Variants in KCNQ5 observed in about 807,000 individuals in gnomAD.
KCNQ5 encodes potassium voltage-gated channel subfamily KQT member 5.
In KCNQ5, 30 loss-of-function variants were observed where a neutral mutation model predicts 98.2. The observed-to-expected ratio is 0.31, with a 90% CI of 0.23 to 0.41. KCNQ5 has a LOEUF of 0.41. Ranked by LOEUF, KCNQ5 falls within the 10% of genes least tolerant of loss-of-function variation. The pLI, the probability that KCNQ5 is intolerant of heterozygous loss-of-function variation, is 1.00. For synonymous variants in KCNQ5, 458 were observed against 449.4 expected, an observed-to-expected ratio of 1.02 and a Z score of -0.24; for missense variants, 835 against 1,182.5, an observed-to-expected ratio of 0.71 and a Z score of 4.31.
At chr6:73,154,717 A>G (rs777731577) in intron 10 of KCNQ5, among the ~76,000 whole-genome samples, 1 of 152,228 alleles carries the variant, frequency 6.6e-6, no homozygotes, top group Non-Finnish European at 1.5e-5. Flanking sequence ...AAGTTCTACT[A>G]TAAAAGTTAC....
chr6:73,174,082 CTT>C (rs202158532), intron 11 of KCNQ5, among the ~76,000 whole-genome samples: 7 of 137,310 alleles, frequency 5.1e-5, no homozygotes, highest in East Asian at 4.2e-4. Flanking sequence ...CAAGGCTACT[CTT>C]TTTTTTTTTT....
At chr6:73,162,224 G>C (rs1022737493) in intron 10 of KCNQ5, among the ~76,000 whole-genome samples, 2 of 152,104 alleles carry the variant, frequency 1.3e-5, no homozygotes, top group African/African-American at 4.8e-5. Flanking sequence ...GCCGCACCCA[G>C]CCAGCTTAGC....
intron 1 of KCNQ5, among the ~76,000 whole-genome samples, chr6:72,845,189 A>T (rs1776966959): frequency 6.6e-6 from 1 of 152,218 alleles, no homozygotes; most frequent in South Asian, 2.1e-4. Flanking sequence ...TTTGCAGAGT[A>T]TGTATACAGT....
chr6:72,755,295 A>C (rs978489540), intron 1 of KCNQ5, among the ~76,000 whole-genome samples: 2 of 151,978 alleles, frequency 1.3e-5, no homozygotes, highest in African/African-American at 4.8e-5. Context: ...CTTTAATTTA[A>C]TTTGACAATT....
rs1776319644 is a variant in KCNQ5 at position 73,133,414 on chromosome 6, T to C, written c.1248-7T>C. 1 of 1,613,406 alleles carries C rather than the reference T, an allele frequency of 6.2e-7. No homozygotes were observed. The highest frequency in any genetic ancestry group is 8.5e-7 in the Non-Finnish European group (1 of 1,179,514). ...AAATGGAATAATCATGCCTCTGTTCTCCACAGTCAGAAGCTAAGTTTTAAG... is the reference window on the plus strand; with the variant it reads ...AAATGGAATAATCATGCCTCTGTTCCCCACAGTCAGAAGCTAAGTTTTAAG... On this transcript the variant is annotated splice_polypyrimidine_tract_variant and splice_region_variant and intron_variant, in intron 9 of 13. Coordinates refer to ENST00000370398, the MANE Select transcript of KCNQ5 (RefSeq NM_019842.4).
At chr6:72,871,025 T>TAC (rs1251084760) in intron 1 of KCNQ5, among the ~76,000 whole-genome samples, 2 of 152,166 alleles carry the variant, frequency 1.3e-5, no homozygotes, top group Non-Finnish European at 2.9e-5. Context: ...ACCCTGAGAA[T>TAC]ACACACACAT....
At chr6:72,632,876 A>G (rs956010783) in intron 1 of KCNQ5, among the ~76,000 whole-genome samples, 4 of 152,102 alleles carry the variant, frequency 2.6e-5, no homozygotes, top group African/African-American at 9.7e-5. Flanking sequence ...TATTGTGAGT[A>G]GCATGGCAAT....
At chr6:73,055,211 A>G in intron 3 of KCNQ5, 1 of 1,102,886 alleles carries the variant, frequency 9.1e-7, no homozygotes, top group Non-Finnish European at 1.4e-6. Context: ...TGAGGCGGCA[A>G]AGCAGGCACG....
At chr6:73,179,903 A>T (rs1405695044) in intron 11 of KCNQ5, among the ~76,000 whole-genome samples, 1 of 152,228 alleles carries the variant, frequency 6.6e-6, no homozygotes, top group East Asian at 1.9e-4. Context: ...TACTAGACTG[A>T]AAGTGCCCAA....
chr6:72,897,935 A>T (rs80273969), intron 1 of KCNQ5, among the ~76,000 whole-genome samples: 3,094 of 152,304 alleles, frequency 0.02, 47 homozygotes, highest in Non-Finnish European at 0.029. Flanking sequence ...ACACTTCCCA[A>T]ATCCTGTCAG....
chr6:73,187,083 G>A (rs568868054), intron 11 of KCNQ5, among the ~76,000 whole-genome samples: 51 of 147,168 alleles, frequency 3.5e-4, no homozygotes, highest in African/African-American at 6.0e-4. Flanking sequence ...TTTTTGAGAC[G>A]GAGTCTTGCT....
intron 1 of KCNQ5, among the ~76,000 whole-genome samples, chr6:72,978,276 A>G (rs1014944141): frequency 5.9e-5 from 9 of 152,348 alleles, no homozygotes; most frequent in South Asian, 2.1e-4. Context: ...CCTGGAAAAG[A>G]CACAGAAACA....
At chr6:72,930,028 T>C (rs1396022840) in intron 1 of KCNQ5, among the ~76,000 whole-genome samples, 5 of 152,122 alleles carry the variant, frequency 3.3e-5, no homozygotes, top group Non-Finnish European at 5.9e-5. Context: ...TGTGCTCTCC[T>C]CCTTTTCTTA....
At chr6:72,928,475 A>G (rs1765540258) in intron 1 of KCNQ5, among the ~76,000 whole-genome samples, 1 of 152,130 alleles carries the variant, frequency 6.6e-6, no homozygotes, top group Admixed American at 6.6e-5. Flanking sequence ...GAGTTAAATA[A>G]TTTTCTATTA....
chr6:73,065,739 G>T (rs1009978350), intron 3 of KCNQ5, among the ~76,000 whole-genome samples: 3 of 152,144 alleles, frequency 2.0e-5, no homozygotes, highest in Admixed American at 6.5e-5. Flanking sequence ...CCACCTCAAG[G>T]TCTTTTTATA....
chr6:72,630,893 G>A (rs188212527), intron 1 of KCNQ5, among the ~76,000 whole-genome samples: 151 of 152,246 alleles, frequency 9.9e-4, no homozygotes, highest in Middle Eastern at 3.4e-3. Context: ...TTAGATTGGT[G>A]ATTCTACTAG....
Position 73,090,415 on chromosome 6 carries a change from TTAAG to T in KCNQ5, c.918+12531_918+12534del, listed in dbSNP as rs1222513642. On this transcript the variant is annotated intron_variant, in intron 5 of 13. Transcript: ENST00000370398. ...GCCGTGCAAAAGCTCTTTAGTTTAA[TTAAG>T]TACCAGCAATTTATCTTTGTTTTTA... is the stretch of plus-strand genomic sequence containing the variant. 4.6e-5 allele frequency among the ~76,000 whole-genome samples: 7 copies of T among 152,346 alleles called. No individual in the cohort carries two copies. In the East Asian group the frequency reaches 1.4e-3, roughly 29 times the overall value.
intron 1 of KCNQ5, among the ~76,000 whole-genome samples, chr6:72,805,526 A>C (rs911108810): frequency 1.3e-5 from 2 of 152,050 alleles, no homozygotes; most frequent in African/African-American, 2.4e-5. Flanking sequence ...CCATTGATCT[A>C]TGTGTCTGTT....
intron 10 of KCNQ5, among the ~76,000 whole-genome samples, chr6:73,159,529 G>A (rs955950672): frequency 3.9e-5 from 6 of 152,112 alleles, no homozygotes; most frequent in Non-Finnish European, 1.5e-5. Flanking sequence ...TATACATTAA[G>A]TATTTTATTG....
Sources: gnomAD v4.1 joint callset for allele counts (sites outside exome capture counted in the v4.1 genomes callset) on GRCh38, gnomAD v4.1.1 for gene constraint, MANE v1.5 for transcripts, NCBI Gene and HGNC (gene_info 2026-07-23, HGNC 2026-07-21) for gene names.